Variants in CNTNAP5 observed in about 807,000 individuals in gnomAD.
The protein encoded by CNTNAP5 is contactin-associated protein-like 5.
A neutral mutation model predicts 150.2 loss-of-function variants in CNTNAP5; 72 were observed. The observed-to-expected ratio is 0.48, with a 90% CI of 0.40 to 0.58. The LOEUF is 0.58. CNTNAP5 is among the 20% of genes least tolerant of loss of function. The probability of loss-of-function intolerance (pLI) is 0.00; values close to 1 mark genes in which losing one functional copy is unlikely to be tolerated. For missense variants in CNTNAP5, 1,636 were observed against 1,626.2 expected (o/e 1.01, Z -0.10); for synonymous variants, 672 against 619.8 (o/e 1.08, Z -1.25).
chr2:124,108,659 T>C (rs1029968268), intron 1 of CNTNAP5, among the ~76,000 whole-genome samples: 20 of 152,182 alleles, frequency 1.3e-4, no homozygotes, highest in African/African-American at 4.3e-4. Context: ...AAGTTAATGA[T>C]TTCCAAATTT....
intron 1 of CNTNAP5, among the ~76,000 whole-genome samples, chr2:124,197,334 A>G (rs1296597256): frequency 1.3e-5 from 2 of 152,148 alleles, no homozygotes; most frequent in Non-Finnish European, 2.9e-5. Flanking sequence ...GTTTTGTGTG[A>G]TTTTAAACTT....
At chr2:124,379,889 G>A (rs1390817279) in intron 3 of CNTNAP5, among the ~76,000 whole-genome samples, 1 of 152,074 alleles carries the variant, frequency 6.6e-6, no homozygotes, top group East Asian at 1.9e-4. Flanking sequence ...GGTGAAGAGG[G>A]TTACAAGTTA....
chr2:124,439,512 A>C (rs558650571), intron 5 of CNTNAP5, among the ~76,000 whole-genome samples: 3 of 152,192 alleles, frequency 2.0e-5, no homozygotes, highest in Non-Finnish European at 4.4e-5. Flanking sequence ...GACGGACACA[A>C]GTTAGACACC....
At chr2:124,340,222 A>G (rs1435249469) in intron 3 of CNTNAP5, among the ~76,000 whole-genome samples, 8 of 152,224 alleles carry the variant, frequency 5.3e-5, no homozygotes, top group African/African-American at 1.7e-4. Context: ...AGCTTGGCCT[A>G]TGCCAGGAAT....
intron 11 of CNTNAP5, among the ~76,000 whole-genome samples, chr2:124,564,373 G>A (rs1695963926): frequency 6.6e-6 from 1 of 152,046 alleles, no homozygotes; most frequent in African/African-American, 2.4e-5. Flanking sequence ...TATTTTTTGA[G>A]AGAGAGAGTT....
Position 124,658,596 on chromosome 2 carries a change from C to G in CNTNAP5, c.2077+10638C>G, listed in dbSNP as rs551997113. ...TTTTTGACACCTTCATACACCTACT[C>G]TCCTCAGAACATACTTTCCTTACCG... On this transcript the variant is annotated intron_variant, in intron 13 of 23. Transcript: ENST00000682447. Among the ~76,000 whole-genome samples the G allele has an allele frequency of 1.6e-4, 24 of 152,152 alleles. 1 individual carries two copies. In the South Asian group the frequency reaches 4.8e-3, roughly 30 times the overall value.
At chr2:124,544,254 A>G (rs1695461307) in intron 10 of CNTNAP5, among the ~76,000 whole-genome samples, 2 of 152,196 alleles carry the variant, frequency 1.3e-5, no homozygotes, top group South Asian at 4.1e-4. Context: ...TCTAAAGAAA[A>G]AAAATGTGTC....
chr2:124,218,413 C>T (rs1686216898), intron 1 of CNTNAP5, among the ~76,000 whole-genome samples: 2 of 152,066 alleles, frequency 1.3e-5, no homozygotes, highest in African/African-American at 4.8e-5. Context: ...CTTTTGGGGG[C>T]AGGGAGTGAT....
At chr2:124,865,627 G>A (rs1677615694) in intron 20 of CNTNAP5, among the ~76,000 whole-genome samples, 191 bp downstream of exon 20, 1 of 152,180 alleles carries the variant, frequency 6.6e-6, no homozygotes. Flanking sequence ...ACCAGTATCA[G>A]CATCACTTGG....
intron 1 of CNTNAP5, among the ~76,000 whole-genome samples, chr2:124,106,921 G>A (rs1447400473): frequency 2.0e-5 from 3 of 152,126 alleles, no homozygotes; most frequent in African/African-American, 7.2e-5. Context: ...AACCATTGGT[G>A]CCTAGAGACT....
At chr2:124,125,912 C>A (rs573428458) in intron 1 of CNTNAP5, among the ~76,000 whole-genome samples, 1 of 152,262 alleles carries the variant, frequency 6.6e-6, no homozygotes, top group South Asian at 2.1e-4. Flanking sequence ...ACATTTAAAG[C>A]AGTATGTAGA....
intron 3 of CNTNAP5, among the ~76,000 whole-genome samples, chr2:124,262,350 G>A (rs1687480227): frequency 6.6e-6 from 1 of 152,176 alleles, no homozygotes; most frequent in South Asian, 2.1e-4. Context: ...TGGAAAAGAA[G>A]AAATGATTGT....
intron 1 of CNTNAP5, among the ~76,000 whole-genome samples, chr2:124,206,634 C>A (rs1685870609): frequency 6.6e-6 from 1 of 152,158 alleles, no homozygotes; most frequent in Non-Finnish European, 1.5e-5. Context: ...GTGCTCCAGG[C>A]TCTTGATGAT....
At chr2:124,843,555 T>A (rs1216867730) in intron 19 of CNTNAP5, among the ~76,000 whole-genome samples, 1 of 152,160 alleles carries the variant, frequency 6.6e-6, no homozygotes, top group Admixed American at 6.6e-5. Context: ...TAACCGTAGA[T>A]CTACTTTTAG....
chr2:124,192,072 G>A (rs1490540661), intron 1 of CNTNAP5, among the ~76,000 whole-genome samples: 2 of 152,248 alleles, frequency 1.3e-5, no homozygotes, highest in East Asian at 3.9e-4. Flanking sequence ...TAACTCTATT[G>A]CTTAAGTGTG....
At chr2:124,188,566 A>C (rs1685384952) in intron 1 of CNTNAP5, among the ~76,000 whole-genome samples, 1 of 151,888 alleles carries the variant, frequency 6.6e-6, no homozygotes. Flanking sequence ...AAAAATACAA[A>C]AAATTAGCCG....
intron 19 of CNTNAP5, among the ~76,000 whole-genome samples, chr2:124,855,167 C>CTTT (rs70999224): frequency 1.1e-4 from 8 of 71,430 alleles, no homozygotes; most frequent in East Asian, 7.9e-4. Context: ...TGGGCTTTTG[C>CTTT]TTTTTTTTTT....
In CNTNAP5 at chr2:124,502,537, T is replaced by C. The variant is rs112458346; in HGVS notation, c.1063-1755T>C. Among the ~76,000 whole-genome samples, 727 of 152,308 alleles carry C rather than the reference T, an allele frequency of 4.8e-3. 7 individuals carry two copies. The highest frequency in any genetic ancestry group is 0.02 in the Middle Eastern group (6 of 294). ...CAACCTCAGACTTTGAATGCAGCTG[T>C]GTTCTGGCAGATTTGTTTTTACAAA... On this transcript the variant is annotated intron_variant, in intron 7 of 23. Coordinates refer to ENST00000682447, the MANE Select transcript of CNTNAP5 (RefSeq NM_001367498.1).
rs1681239869 is a variant in CNTNAP5, at chr2:124,773,026, C to T, written c.2752+9C>T. 1.2e-6 allele frequency: 2 copies of T among 1,608,098 alleles called. No homozygotes were observed. Among genetic ancestry groups the T allele is most frequent in the African/African-American group, 1.3e-5 (1 of 74,902 alleles). ...CAGCCAGTTGTTTGTAGGTAGGGGA[C>T]ATCTTAAGGCTCCTTTTGTGCTAAA... On this transcript the variant is annotated intron_variant, in intron 17 of 23. Transcript: ENST00000682447.
Sources: allele counts gnomAD v4.1 joint callset (sites outside exome capture counted in the v4.1 genomes callset), GRCh38; gene constraint gnomAD v4.1.1; transcripts MANE v1.5; gene names NCBI Gene and HGNC (gene_info 2026-07-23, HGNC 2026-07-21).